Variants in SPATA6 observed in about 807,000 individuals in gnomAD.
SPATA6 encodes spermatogenesis-associated protein 6.
Under a neutral mutation model 65.3 loss-of-function variants are expected in SPATA6, and 56 were observed. The ratio of observed to expected loss-of-function variants is 0.86; its 90% CI spans 0.69 to 1.07. The LOEUF (loss-of-function observed/expected upper bound fraction) is 1.07, where lower values mean the gene tolerates loss of function less well. SPATA6 is among the 50% of genes least tolerant of loss of function. The probability of loss-of-function intolerance (pLI) is 0.00; values close to 1 mark genes in which losing one functional copy is unlikely to be tolerated. For synonymous variants in SPATA6, 199 were observed against 213.2 expected, an observed-to-expected ratio of 0.93 and a Z score of 0.58; for missense variants, 590 against 594.8, an observed-to-expected ratio of 0.99 and a Z score of 0.08.
At chr1:48,337,924 A>G (rs184089420) in intron 11 of SPATA6, among the ~76,000 whole-genome samples, 95 of 152,130 alleles carry the variant, frequency 6.2e-4, no homozygotes, top group Non-Finnish European at 1.2e-3. Flanking sequence ...GATTCAATGT[A>G]GTCTCAATCA....
At chr1:48,353,158 ATT>A (rs1189661984) in intron 11 of SPATA6, among the ~76,000 whole-genome samples, 1 of 151,908 alleles carries the variant, frequency 6.6e-6, no homozygotes, top group African/African-American at 2.4e-5. Context: ...AACAAAAATA[ATT>A]TCTTGTGTTT....
intron 9 of SPATA6, among the ~76,000 whole-genome samples, chr1:48,362,436 C>G (rs1646843118): frequency 6.6e-6 from 1 of 151,892 alleles, no homozygotes; most frequent in Non-Finnish European, 1.5e-5. Flanking sequence ...AAATTTTATC[C>G]CCAAACTAGT....
At chr1:48,277,824 G>A in the SPATA6 span, among the ~76,000 whole-genome samples, 1 of 152,264 alleles carries the variant, frequency 6.6e-6, no homozygotes, top group Admixed American at 6.5e-5. Flanking sequence ...TTTGAAGAGA[G>A]CAGTGGTTCT....
At chr1:48,365,973 T>C (rs1344197782) in intron 9 of SPATA6, among the ~76,000 whole-genome samples, 2 of 152,252 alleles carry the variant, frequency 1.3e-5, no homozygotes, top group African/African-American at 2.4e-5. Context: ...GTCCCATCAA[T>C]ACCTAATCTA....
In SPATA6 at chr1:48,365,202, C is replaced by T. The variant is rs79320105; in HGVS notation, c.910-5432G>A. Among the ~76,000 whole-genome samples the T allele has an allele frequency of 1.1e-4, 16 of 152,218 alleles. No homozygotes were observed. In the East Asian group the frequency reaches 3.1e-3, roughly 29 times the overall value. ...TACCATGCTGTTTTGGTTACTGTAGCCTTGTAGTATAGTTTGAAGTCAGGT... is the reference window on the plus strand; with the variant it reads ...TACCATGCTGTTTTGGTTACTGTAGTCTTGTAGTATAGTTTGAAGTCAGGT... On this transcript the variant is annotated intron_variant, in intron 9 of 12. Transcript: ENST00000371847.
At chr1:48,281,461 A>C in the SPATA6 span, among the ~76,000 whole-genome samples, 2,995 of 152,310 alleles carry the variant, frequency 0.02, 121 homozygotes, top group East Asian at 0.2. Context: ...AAATCTCCTT[A>C]AGCTGATAAG....
At chr1:48,319,254 A>T (rs1645529768) in intron 11 of SPATA6, among the ~76,000 whole-genome samples, 1 of 152,342 alleles carries the variant, frequency 6.6e-6, no homozygotes, top group South Asian at 2.1e-4. Flanking sequence ...AAAACATAGA[A>T]AAGTTGGATT....
intron 6 of SPATA6, chr1:48,400,849 A>G (rs561555783): frequency 1.6e-6 from 2 of 1,265,946 alleles, no homozygotes; most frequent in African/African-American, 1.6e-5. Flanking sequence ...ACCTTGTTCA[A>G]TGATTTCAAA....
At chr1:48,398,021 G>C (rs1179319203) in intron 7 of SPATA6, among the ~76,000 whole-genome samples, 1 of 151,448 alleles carries the variant, frequency 6.6e-6, no homozygotes, top group Non-Finnish European at 1.5e-5. Context: ...TATTCCTTCA[G>C]ATGAAAATAT....
chr1:48,264,434 T>C, the SPATA6 span, among the ~76,000 whole-genome samples: 1 of 152,178 alleles, frequency 6.6e-6, no homozygotes, highest in Non-Finnish European at 1.5e-5. Flanking sequence ...GTTTGTTACA[T>C]AGGTACACAC....
intron 1 of SPATA6, among the ~76,000 whole-genome samples, chr1:48,468,462 A>G (rs1052659822): frequency 6.6e-6 from 1 of 152,180 alleles, no homozygotes; most frequent in Non-Finnish European, 1.5e-5. Context: ...ATATATTTAC[A>G]CTGTACAAAG....
In SPATA6 at chr1:48,472,019, A is replaced by T. The variant is rs2275309; in HGVS notation, c.-11T>A. ...CTTCACCTTCGGCATCCGTGCGGGGAGGGGCGGCGGGGAGTGACCCCGGCC... is the reference window on the plus strand; with the variant it reads ...CTTCACCTTCGGCATCCGTGCGGGGTGGGGCGGCGGGGAGTGACCCCGGCC... On this transcript the variant is annotated 5_prime_UTR_variant, in exon 1 of 13. Transcript: ENST00000371847. The T allele has an allele frequency of 0.41, 616,324 of 1,486,482 alleles. 128,033 individuals carry two copies. Among genetic ancestry groups the T allele is most frequent in the Non-Finnish European group, 0.44 (489,859 of 1,118,778 alleles). The allele number at this position is 1,486,482 out of a possible 1,614,324, so 92.1% of individuals were successfully genotyped here.
intron 11 of SPATA6, among the ~76,000 whole-genome samples, chr1:48,311,100 T>C (rs1184314711): frequency 6.6e-6 from 1 of 152,074 alleles, no homozygotes; most frequent in Non-Finnish European, 1.5e-5. Context: ...AACATGGCTA[T>C]AAACACCTAC....
At position 48,297,902 on chromosome 1, in the gene SPATA6, A is replaced by C. The variant is rs1644843093; in HGVS notation, c.*811T>G. ...GCCATATGGTACTTACACAAATTCC[A>C]AGCAGTCAAATTACAATATAATTCC... On this transcript the variant is annotated 3_prime_UTR_variant, in exon 13 of 13. Transcript: ENST00000371847. The C allele has an allele frequency of 1.3e-5, 2 of 152,028 alleles. No individual in the cohort carries two copies. The highest frequency in any genetic ancestry group is 4.1e-4 in the South Asian group (2 of 4,824). 9.4% of individuals were successfully genotyped at this position (152,028 alleles called of 1,614,324 possible). A position where few individuals can be genotyped will look rare whatever the true frequency, so the allele number is the denominator to read the frequency against.
At chr1:48,391,595 T>G (rs1650078617) in intron 8 of SPATA6, among the ~76,000 whole-genome samples, 1 of 152,128 alleles carries the variant, frequency 6.6e-6, no homozygotes, top group Non-Finnish European at 1.5e-5. Context: ...ATCTGAGGTT[T>G]CCCAATGTTC....
the SPATA6 span, chr1:48,262,844 GAA>G: frequency 6.6e-6 from 1 of 152,004 alleles, no homozygotes; most frequent in Non-Finnish European, 1.5e-5. Flanking sequence ...ATGGACATTT[GAA>G]AAGTCTAATT....
chr1:48,304,046 G>A (rs1428071874), intron 12 of SPATA6, among the ~76,000 whole-genome samples: 1 of 152,186 alleles, frequency 6.6e-6, no homozygotes, highest in East Asian at 1.9e-4. Flanking sequence ...TGGCAAGGAG[G>A]TTGATTACTT....
chr1:48,322,721 A>G (rs1186834041), intron 11 of SPATA6, among the ~76,000 whole-genome samples: 1 of 152,252 alleles, frequency 6.6e-6, no homozygotes, highest in African/African-American at 2.4e-5. Context: ...ACAAATTTAC[A>G]AGAAAACAAA....
chr1:48,283,030 G>A, the SPATA6 span, among the ~76,000 whole-genome samples: 3 of 152,102 alleles, frequency 2.0e-5, no homozygotes, highest in South Asian at 2.1e-4. Flanking sequence ...CATGTCCTTT[G>A]TAGGGACGTG....
Sources: gnomAD v4.1 joint callset for allele counts (sites outside exome capture counted in the v4.1 genomes callset) on GRCh38, gnomAD v4.1.1 for gene constraint, MANE v1.5 for transcripts, NCBI Gene and HGNC (gene_info 2026-07-23, HGNC 2026-07-21) for gene names.